HVCN1: variants seen among roughly 807,000 people sequenced by gnomAD.
HVCN1 encodes voltage-gated hydrogen channel 1.
A neutral mutation model predicts 29.2 loss-of-function variants in HVCN1; 14 were observed. The observed-to-expected ratio is 0.48, with a 90% CI of 0.32 to 0.75. HVCN1 has a LOEUF of 0.75. Ranked by LOEUF, HVCN1 falls within the 30% of genes least tolerant of loss-of-function variation. HVCN1 has a pLI of 0.04. For synonymous variants in HVCN1, 131 were observed against 133.2 expected (o/e 0.98, Z 0.11); for missense variants, 263 against 341.8 (o/e 0.77, Z 1.82).
At chr12:110,689,272 C>G (rs930654490), upstream of HVCN1, 3 of 152,246 alleles carry the variant, frequency 2.0e-5, no homozygotes, top group Non-Finnish European at 4.4e-5. The surrounding 1 kb of genome is among the most constrained non-coding windows in gnomAD (Gnocchi z 5.7). Flanking sequence ...TCTTAGTCCC[C>G]TTGTCCCTGC....
chr12:110,684,362 C>T (rs1353400656), intron 2 of HVCN1, among the ~76,000 whole-genome samples: 2 of 152,104 alleles, frequency 1.3e-5, no homozygotes, highest in Non-Finnish European at 2.9e-5. Flanking sequence ...GAATTTCACT[C>T]CAATTGAAAA....
At chr12:110,699,784 GCC>G (rs2069544999) in intron 2 of HVCN1, among the ~76,000 whole-genome samples, 1 of 152,120 alleles carries the variant, frequency 6.6e-6, no homozygotes, top group African/African-American at 2.4e-5. Flanking sequence ...CATGAGGTAG[GCC>G]CTCCGATGAG....
chr12:110,670,376 G>C (rs1391852203), intron 3 of HVCN1, among the ~76,000 whole-genome samples: 1 of 152,130 alleles, frequency 6.6e-6, no homozygotes, highest in Non-Finnish European at 1.5e-5. Flanking sequence ...TTCCCTCCCA[G>C]AGCTATTTTG....
rs750851677 is a variant in HVCN1, at chr12:110,661,150, C to T, written c.306+14G>A. 4 of 1,581,840 alleles carry T rather than the reference C, an allele frequency of 2.5e-6. No individual in the cohort carries two copies. The African/African-American group carries it at 5.4e-5, about 21-fold the overall frequency. Reference sequence around the variant, plus strand: ...CTGCCAGCTCTGGGTATCCCGGACTCCTGCCCCACCTACCTGAAACCTGTG... The same window carrying T: ...CTGCCAGCTCTGGGTATCCCGGACTTCTGCCCCACCTACCTGAAACCTGTG... On this transcript the variant is annotated intron_variant, in intron 4 of 7. Transcript: ENST00000242607. The surrounding 1 kb of genome is among the most constrained non-coding windows in gnomAD (Gnocchi z 6.2).
At chr12:110,682,405 A>G (rs2069014126) in intron 3 of HVCN1, among the ~76,000 whole-genome samples, 1 of 151,958 alleles carries the variant, frequency 6.6e-6, no homozygotes. Context: ...TGCCATGTTG[A>G]CCAGGCTCAT....
At chr12:110,680,972 T>C (rs1486091102) in intron 3 of HVCN1, among the ~76,000 whole-genome samples, 5 of 152,152 alleles carry the variant, frequency 3.3e-5, no homozygotes, top group Non-Finnish European at 5.9e-5. Flanking sequence ...TTTTCTATCT[T>C]ATTTTTTACC....
intron 2 of HVCN1, among the ~76,000 whole-genome samples, chr12:110,684,301 CT>C (rs35081943): frequency 0.74 from 113,185 of 152,138 alleles, 42,353 homozygotes; most frequent in Non-Finnish European, 0.76. Flanking sequence ...GTGAAATGTA[CT>C]TAAATGCCAC....
intron 4 of HVCN1, among the ~76,000 whole-genome samples, chr12:110,655,860 A>G (rs2067973415): frequency 6.6e-6 from 1 of 152,072 alleles, no homozygotes; most frequent in Non-Finnish European, 1.5e-5. Flanking sequence ...ACGTACCACC[A>G]TGCCTGGCTA....
intron 3 of HVCN1, among the ~76,000 whole-genome samples, chr12:110,667,597 T>A (rs2068415927): frequency 6.6e-6 from 1 of 151,784 alleles, no homozygotes; most frequent in Non-Finnish European, 1.5e-5. Flanking sequence ...GCTCAGCTAA[T>A]TTTTTGTATT....
intron 3 of HVCN1, among the ~76,000 whole-genome samples, chr12:110,666,282 G>A (rs943249970): frequency 6.6e-6 from 1 of 151,758 alleles, no homozygotes; most frequent in Non-Finnish European, 1.5e-5. Flanking sequence ...AATTAGCCAG[G>A]CATAGTGGCC....
chr12:110,676,135 C>T lies in HVCN1; in HGVS notation c.21+7090G>A, dbSNP rs971089991. On this transcript the variant is annotated intron_variant, in intron 3 of 7. Coordinates refer to ENST00000242607, the MANE Select transcript of HVCN1 (RefSeq NM_032369.4). The surrounding 1 kb of genome is among the most constrained non-coding windows in gnomAD (Gnocchi z 4.1). ...TGTCCCCAGTCCTAGCTTCACTCAT[C>T]CTCCCCTATAGCCCTGTCCAGCATT... Among the ~76,000 whole-genome samples, 8 of 152,290 alleles carry T rather than the reference C, an allele frequency of 5.3e-5. No homozygotes were observed. Among genetic ancestry groups the T allele is most frequent in the Middle Eastern group, 3.4e-3 (1 of 294 alleles).
intron 3 of HVCN1, among the ~76,000 whole-genome samples, chr12:110,663,587 CAAAAAAAAAA>C (rs1182792368): frequency 7.7e-5 from 2 of 25,808 alleles, no homozygotes; most frequent in Admixed American, 4.9e-4. Flanking sequence ...GACGCTGTCT[CAAAAAAAAAA>C]AAAAAAAAAA....
Position 110,676,756 on chromosome 12 carries a change from T to C in HVCN1, c.21+6469A>G, listed in dbSNP as rs1000841825. ...AGCTTGTGCCAGGTTTTTTCTGAAC[T>C]TCACCCCACGTGCCTTTTCCCTTTA... On this transcript the variant is annotated intron_variant, in intron 3 of 7. Coordinates refer to ENST00000242607, the MANE Select transcript of HVCN1 (RefSeq NM_032369.4). The surrounding 1 kb of genome is among the most constrained non-coding windows in gnomAD (Gnocchi z 4.1). Among the ~76,000 whole-genome samples, 1 of 152,150 alleles carries C rather than the reference T, an allele frequency of 6.6e-6. No individual in the cohort carries two copies. The highest frequency in any genetic ancestry group is 1.5e-5 in the Non-Finnish European group (1 of 68,026).
At chr12:110,693,905 C>A (rs926477908), upstream of HVCN1, among the ~76,000 whole-genome samples, 2 of 152,176 alleles carry the variant, frequency 1.3e-5, no homozygotes, top group Non-Finnish European at 2.9e-5. Context: ...TTAGGAACTG[C>A]GTTAGATGAA....
chr12:110,674,004 CT>C, intron 3 of HVCN1, among the ~76,000 whole-genome samples: 1 of 152,328 alleles, frequency 6.6e-6, no homozygotes, highest in East Asian at 1.9e-4. Flanking sequence ...CCACCAATAG[CT>C]TGCACCATAT....
intron 3 of HVCN1, among the ~76,000 whole-genome samples, chr12:110,664,485 G>T (rs1407237381): frequency 6.6e-6 from 1 of 152,192 alleles, no homozygotes; most frequent in Non-Finnish European, 1.5e-5. Context: ...ACACAAGAAT[G>T]AGATTTCTGC....
At chr12:110,680,497 C>A (rs1354615342) in intron 3 of HVCN1, among the ~76,000 whole-genome samples, 1 of 152,086 alleles carries the variant, frequency 6.6e-6, no homozygotes, top group Non-Finnish European at 1.5e-5. Context: ...CTATTTATTA[C>A]TATTGTGAAA....
chr12:110,662,408 C>A (rs918205800), intron 3 of HVCN1, among the ~76,000 whole-genome samples: 1 of 152,184 alleles, frequency 6.6e-6, no homozygotes, highest in Admixed American at 6.5e-5. Flanking sequence ...TAACACAAAA[C>A]ACCACAAAAT....
chr12:110,690,366 G>GCCACA (rs750632061), upstream of HVCN1, among the ~76,000 whole-genome samples: 91 of 152,216 alleles, frequency 6.0e-4, no homozygotes, highest in Non-Finnish European at 1.1e-3. Flanking sequence ...GGTTTGGAGG[G>GCCACA]GTTAGGATGT....
Sources: gnomAD v4.1 joint callset for allele counts (sites outside exome capture counted in the v4.1 genomes callset) on GRCh38, gnomAD v4.1.1 for gene constraint, Gnocchi (gnomAD v3.1) non-coding constraint, MANE v1.5 for transcripts, NCBI Gene and HGNC (gene_info 2026-07-23, HGNC 2026-07-21) for gene names.